IFRD1: variants seen among roughly 807,000 people sequenced by gnomAD.
IFRD1 encodes the protein interferon related developmental regulator 1.
A neutral mutation model predicts 52.9 loss-of-function variants in IFRD1; 35 were observed. That is an observed-to-expected ratio of 0.66 (90% CI 0.51 to 0.88). IFRD1 has a LOEUF of 0.88. IFRD1 is among the 40% of genes least tolerant of loss of function. IFRD1 has a pLI of 0.00. For synonymous variants in IFRD1, 184 were observed against 188.4 expected (o/e 0.98, Z 0.19); for missense variants, 517 against 550.8 (o/e 0.94, Z 0.61).
Position 112,476,295 on chromosome 7 carries a change from T to TTA in IFRD1, c.*777_*778dup, listed in dbSNP as rs1037787706. 2 of 152,212 alleles carry TTA rather than the reference T, an allele frequency of 1.3e-5. No homozygotes were observed. The highest frequency in any genetic ancestry group is 2.9e-5 in the Non-Finnish European group (2 of 68,042). 9.4% of individuals were successfully genotyped at this position (152,212 alleles called of 1,614,324 possible). A position where few individuals can be genotyped will look rare whatever the true frequency, so the allele number is the denominator to read the frequency against. ...GGGAGACAAAGCTTTATGTGTATAT[T>TTA]TACAAACATTAAAGTAGATGAAAAG... On this transcript the variant is annotated 3_prime_UTR_variant, in exon 12 of 12. Transcript: ENST00000403825.
chr7:112,462,036 C>A lies in IFRD1; in HGVS notation c.654C>A (p.Ile218=). Residue 218 remains isoleucine, a synonymous_variant, in exon 7 of 12, where the codon ATC becomes ATA. Transcript: ENST00000403825. ...CAACTCTGGAATGTTTGGAAAATAT[C>A]TTCACTAAATCCTATCTCAAAGAGA... ...LYSTLECLEN[I]FTKSYLKEKD... The A allele has an allele frequency of 6.2e-7, 1 of 1,613,094 alleles. No individual in the cohort carries two copies. Among genetic ancestry groups the A allele is most frequent in the Non-Finnish European group, 8.5e-7 (1 of 1,179,368 alleles).
intron 5 of IFRD1, among the ~76,000 whole-genome samples, chr7:112,460,078 C>G (rs1220886499): frequency 2.6e-5 from 4 of 152,196 alleles, no homozygotes; most frequent in African/African-American, 9.6e-5. Flanking sequence ...AAACACTCTG[C>G]TGGGTAGATT....
At chr7:112,439,365 G>A (rs1233717226) in intron 1 of IFRD1, among the ~76,000 whole-genome samples, 2 of 152,216 alleles carry the variant, frequency 1.3e-5, no homozygotes, top group African/African-American at 4.8e-5. Flanking sequence ...ATATAAGACT[G>A]TTAGAAATTG....
rs2117347220 is a variant in IFRD1, at chr7:112,476,572, TG to T, written c.*1054del. 1 of 152,242 alleles carries T rather than the reference TG, an allele frequency of 6.6e-6. No individual in the cohort carries two copies. Among genetic ancestry groups the T allele is most frequent in the South Asian group, 2.1e-4 (1 of 4,822 alleles). 9.4% of individuals were successfully genotyped at this position (152,242 alleles called of 1,614,324 possible). On this transcript the variant is annotated 3_prime_UTR_variant, in exon 12 of 12. Transcript: ENST00000403825. ...TGGGTGCTGAGGCAAGAGGGTAACT[TG>T]AGCCCAGGAGGTCAAAGCTGCAGTG...
At chr7:112,440,713 C>T (rs1162915673) in intron 1 of IFRD1, among the ~76,000 whole-genome samples, 1 of 152,180 alleles carries the variant, frequency 6.6e-6, no homozygotes, top group Non-Finnish European at 1.5e-5. Context: ...AATGCCTGGA[C>T]AGTTTTCTGG....
In IFRD1 at chr7:112,450,486, CAT is replaced by C. The variant is rs1405236973; in HGVS notation, c.-202_-201del. 1.6e-6 allele frequency: 1 copy of C among 616,474 alleles called. No individual in the cohort carries two copies. The highest frequency in any genetic ancestry group is 1.8e-5 in the African/African-American group (1 of 54,314). The allele number at this position is 616,474 out of a possible 1,614,324, so 38.2% of individuals were successfully genotyped here. ...CCTTAGCTCCCGCGCTAGAGAGAAA[CAT>C]GTATCGTTTTCGATCACAGCTCTTC... On this transcript the variant is annotated 5_prime_UTR_variant, in exon 1 of 12. The change abolishes an upstream ATG in the 5' untranslated region. Coordinates refer to ENST00000403825, the MANE Select transcript of IFRD1 (RefSeq NM_001550.4).
At chr7:112,429,501 T>C (rs1794501629) in intron 1 of IFRD1, among the ~76,000 whole-genome samples, 2 of 152,208 alleles carry the variant, frequency 1.3e-5, no homozygotes, top group African/African-American at 4.8e-5. Flanking sequence ...CATTCTCACA[T>C]CTGAAAGAAG....
intron 8 of IFRD1, among the ~76,000 whole-genome samples, chr7:112,465,681 A>G (rs890009020): frequency 6.6e-6 from 1 of 152,202 alleles, no homozygotes; most frequent in African/African-American, 2.4e-5. Context: ...GGAGCCTGAG[A>G]CAGATTGCTA....
In IFRD1 at chr7:112,461,888, G is replaced by GCTGTTTT; in HGVS notation, c.591_597dup (p.Ile200LeufsTer7). 6.2e-7 allele frequency: 1 copy of GCTGTTTT among 1,600,634 alleles called. No individual in the cohort carries two copies. Among genetic ancestry groups the GCTGTTTT allele is most frequent in the Non-Finnish European group, 8.6e-7 (1 of 1,169,426 alleles). ...TAGTGTGCAACTTGCTTTGGTGTTT[G>GCTGTTTT]CTGTTTTATTGCCACAGATGACATT... On this transcript the variant is annotated frameshift_variant, in exon 6 of 12. Transcript: ENST00000403825. LOFTEE classifies it high-confidence loss of function.
intron 1 of IFRD1, among the ~76,000 whole-genome samples, chr7:112,453,207 G>A (rs1795207181): frequency 6.6e-6 from 1 of 152,004 alleles, no homozygotes; most frequent in Non-Finnish European, 1.5e-5. Context: ...TTTTTTTTAT[G>A]TTAGTGGAGA....
Position 112,472,243 on chromosome 7 carries a change from A to C in IFRD1, c.1066A>C (p.Ile356Leu). 6.2e-7 allele frequency: 1 copy of C among 1,614,052 alleles called. No homozygotes were observed. The highest frequency in any genetic ancestry group is 8.5e-7 in the Non-Finnish European group (1 of 1,179,940). ...GGAACGGGATTTTCCAACAGAAACC[A>C]TTAAATTTGGTCCTGAACGCATGTA... is the stretch of plus-strand genomic sequence containing the variant. ...VEERDFPTET[I>L]KFGPERMYID... The change falls in exon 10 of 12, where the codon ATT becomes CTT. Residue 356 changes from isoleucine (I) to leucine (L), a missense_variant. Transcript: ENST00000403825.
At chr7:112,471,649 A>G (rs1278211312) in intron 9 of IFRD1, among the ~76,000 whole-genome samples, 1 of 152,068 alleles carries the variant, frequency 6.6e-6, no homozygotes, top group Non-Finnish European at 1.5e-5. Context: ...ACACCTTCGA[A>G]ATGGTCTTCT....
chr7:112,452,090 C>T, intron 1 of IFRD1: 1 of 981,818 alleles, frequency 1.0e-6, no homozygotes, highest in Non-Finnish European at 1.2e-6. Context: ...GAAATTCATT[C>T]TTTATCAAGA....
At chr7:112,423,977 G>A (rs1211814093) in intron 1 of IFRD1, among the ~76,000 whole-genome samples, 1 of 152,222 alleles carries the variant, frequency 6.6e-6, no homozygotes. Context: ...TCCAGTTAAC[G>A]AGAGCGGGAT....
chr7:112,452,730 G>A (rs1046470504), intron 1 of IFRD1, among the ~76,000 whole-genome samples: 3 of 152,116 alleles, frequency 2.0e-5, no homozygotes, highest in African/African-American at 7.2e-5. Flanking sequence ...TTGCTTCAGG[G>A]CTCATTTGTG....
chr7:112,444,925 A>G (rs1305092161), intron 1 of IFRD1, among the ~76,000 whole-genome samples: 1 of 152,178 alleles, frequency 6.6e-6, no homozygotes, highest in Admixed American at 6.5e-5. Context: ...AAACCTGTAC[A>G]TTATACCCTG....
Position 112,475,639 on chromosome 7 carries a change from T to C in IFRD1, c.*120T>C. The stretch of plus-strand genomic sequence containing the variant: ...TAGATAACTTTTGTAGCAGTGGTTA[T>C]ATTGCTTATAATTTAATGTACAATA... On this transcript the variant is annotated 3_prime_UTR_variant, in exon 12 of 12. Transcript: ENST00000403825. The C allele has an allele frequency of 1.5e-6, 1 of 675,378 alleles. No homozygotes were observed. Among genetic ancestry groups the C allele is most frequent in the Non-Finnish European group, 2.6e-6 (1 of 382,716 alleles). 41.8% of individuals were successfully genotyped at this position (675,378 alleles called of 1,614,324 possible). A position where few individuals can be genotyped will look rare whatever the true frequency, so the allele number is the denominator to read the frequency against.
chr7:112,428,174 T>A (rs1265878925), intron 1 of IFRD1, among the ~76,000 whole-genome samples: 1 of 152,204 alleles, frequency 6.6e-6, no homozygotes, highest in African/African-American at 2.4e-5. Context: ...TGCTGACATG[T>A]GAGAAGTGCA....
chr7:112,429,306 G>C (rs1794497830), intron 1 of IFRD1, among the ~76,000 whole-genome samples: 1 of 152,218 alleles, frequency 6.6e-6, no homozygotes, highest in Non-Finnish European at 1.5e-5. Context: ...CTGTATCATA[G>C]TCGTTGGGCA....
Sources: allele counts gnomAD v4.1 joint callset (sites outside exome capture counted in the v4.1 genomes callset), GRCh38; gene constraint gnomAD v4.1.1; transcripts MANE v1.5; gene names NCBI Gene and HGNC (gene_info 2026-07-23, HGNC 2026-07-21).